Variants in VWA3A observed in about 807,000 individuals in gnomAD.
The protein encoded by VWA3A is von Willebrand factor A domain-containing protein 3A.
VWA3A carries 134 observed loss-of-function variants against 160.4 expected under a neutral mutation model. That is an observed-to-expected ratio of 0.84 (90% CI 0.73 to 0.96). The LOEUF is 0.96. Among genes scored for constraint, VWA3A ranks in the 40% least tolerant of loss-of-function variants. VWA3A has a pLI of 0.00. For missense variants in VWA3A, 1,310 were observed against 1,447.9 expected (o/e 0.90, Z 1.55); for synonymous variants, 476 against 543.4 (o/e 0.88, Z 1.72).
At chr16:22,099,037 A>T (rs2045367080) in intron 3 of VWA3A, among the ~76,000 whole-genome samples, 1 of 151,676 alleles carries the variant, frequency 6.6e-6, no homozygotes, top group Non-Finnish European at 1.5e-5. Flanking sequence ...CTGAGGCTGC[A>T]GTAAGCTGAG....
In VWA3A at chr16:22,126,282, G is replaced by A. The variant is rs55732851; in HGVS notation, c.1637G>A (p.Cys546Tyr). Residue 546 changes from cysteine to tyrosine, a missense_variant, in exon 17 of 34, where the codon TGT becomes TAT. Physicochemically the swap from Cys to Tyr is radical, Grantham distance 194. Transcript: ENST00000389398. Reference protein sequence around the residue: ...LLEEQLSNKDCFNLIAFGSTI... With the variant: ...LLEEQLSNKDYFNLIAFGSTI... ...GAGGAGCAGTTATCCAACAAGGACT[G>A]TTTCAACCTCATCGCGTATGTGTCT... The A allele has an allele frequency of 0.075, 120,735 of 1,613,202 alleles. 5,312 individuals carry two copies. The highest frequency in any genetic ancestry group is 0.18 in the African/African-American group (13,648 of 74,906).
intron 13 of VWA3A, 45 bp downstream of exon 13, chr16:22,121,148 T>G: frequency 6.2e-7 from 1 of 1,612,862 alleles, no homozygotes; most frequent in Non-Finnish European, 8.5e-7. Context: ...GGTGACTGAC[T>G]AAAAGGCTTG....
At chr16:22,142,625 A>C (rs1199932441) in intron 24 of VWA3A, 43 bp from the exon 25 acceptor site, 3 of 1,477,498 alleles carry the variant, frequency 2.0e-6, no homozygotes, top group Non-Finnish European at 2.8e-6. Context: ...GCAGGGGCTC[A>C]ACCATCCAAA....
chr16:22,092,699 G>T, intron 1 of VWA3A, 48 bp downstream of exon 1: 1 of 1,548,424 alleles, frequency 6.5e-7, no homozygotes, highest in East Asian at 2.5e-5. Context: ...AGAGGGTGTC[G>T]GGGAGGCCAG....
chr16:22,131,681 A>G lies in VWA3A; in HGVS notation c.1824A>G (p.Gln608=). ...ACTTCAAGGACAAAGACAAACACCA[A>G]TCGCAGGGAATCTACCTCTTCACTG... ...EVDFKDKDKH[Q]SQGIYLFTGG... Residue 608 remains glutamine, a synonymous_variant, in exon 19 of 34, where the codon CAA becomes CAG. Coordinates refer to ENST00000389398, the MANE Select transcript of VWA3A (RefSeq NM_173615.5). 3 of 1,613,952 alleles carry G rather than the reference A, an allele frequency of 1.9e-6. No homozygotes were observed. Among genetic ancestry groups the G allele is most frequent in the Non-Finnish European group, 8.5e-7 (1 of 1,179,868 alleles).
intron 21 of VWA3A, among the ~76,000 whole-genome samples, chr16:22,136,703 G>T (rs58416124): frequency 0.13 from 19,603 of 151,854 alleles, 2,680 homozygotes; most frequent in African/African-American, 0.34. Context: ...TGCCTGTGCT[G>T]TCTTCCCCAA....
chr16:22,155,691 C>G, intron 32 of VWA3A, 27 bp downstream of exon 32: 1 of 1,610,384 alleles, frequency 6.2e-7, no homozygotes, highest in Non-Finnish European at 8.5e-7. Flanking sequence ...GCCTCTCCGG[C>G]CTGCCATGTG....
chr16:22,107,804 G>A (rs542139889), intron 6 of VWA3A, among the ~76,000 whole-genome samples: 2 of 152,238 alleles, frequency 1.3e-5, no homozygotes, highest in South Asian at 4.1e-4. Context: ...GGGGGATGGT[G>A]ATGCTGTCAG....
intron 20 of VWA3A, among the ~76,000 whole-genome samples, chr16:22,133,612 T>G (rs1428972557): frequency 7.6e-6 from 1 of 131,666 alleles, no homozygotes; most frequent in Non-Finnish European, 1.5e-5. Context: ...ATCACACCAC[T>G]ACACTCCAGC....
At chr16:22,128,751 A>G (rs2045896012) in intron 17 of VWA3A, among the ~76,000 whole-genome samples, 1 of 152,200 alleles carries the variant, frequency 6.6e-6, no homozygotes, top group African/African-American at 2.4e-5. Flanking sequence ...ATGCAGCCAT[A>G]AAAAAGAATG....
chr16:22,154,323 CTTTTTTTTTT>C lies in VWA3A; in HGVS notation c.3406-1229_3406-1220del, dbSNP rs988862954. Among the ~76,000 whole-genome samples, 83 of 73,908 alleles carry C rather than the reference CTTTTTTTTTT, an allele frequency of 1.1e-3. No homozygotes were observed. The East Asian group carries it at 0.014, about 12-fold the overall frequency. 48.5% of individuals were successfully genotyped at this position (73,908 alleles called of 152,430 possible). ...GGATGGCTTCCTCTTTTTTCTTTTTCTTTTTTTTTTTTTTTTTTTTTTTTGAGATGAAGTC... is the reference window on the plus strand; with the variant it reads ...GGATGGCTTCCTCTTTTTTCTTTTTCTTTTTTTTTTTTTTGAGATGAAGTC... On this transcript the variant is annotated intron_variant, in intron 31 of 33. Transcript: ENST00000389398.
At chr16:22,136,377 G>A (rs866211773) in intron 21 of VWA3A, among the ~76,000 whole-genome samples, 1 of 152,126 alleles carries the variant, frequency 6.6e-6, no homozygotes, top group African/African-American at 2.4e-5. Flanking sequence ...CAGGGAAGGC[G>A]GGTCTGGGAC....
chr16:22,137,680 A>G (rs2046069844), intron 21 of VWA3A, among the ~76,000 whole-genome samples: 1 of 152,184 alleles, frequency 6.6e-6, no homozygotes, highest in African/African-American at 2.4e-5. Context: ...CAGTGGGCTG[A>G]AGTATGGAGA....
At chr16:22,141,826 T>A in intron 24 of VWA3A, 134 bp downstream of exon 24, 2 of 670,836 alleles carry the variant, frequency 3.0e-6, no homozygotes, top group South Asian at 2.2e-5. Context: ...GAGCAAGCCG[T>A]ACTCAACTCA....
At chr16:22,144,454 T>C (rs1016790109) in intron 26 of VWA3A, 70 bp downstream of exon 26, 1 of 1,567,866 alleles carries the variant, frequency 6.4e-7, no homozygotes, top group Non-Finnish European at 8.6e-7. Context: ...GAGAGCAGTG[T>C]AGGGCACTGT....
rs117029713 is a variant in VWA3A, at chr16:22,137,744, T to G, written c.2140-616T>G. 6.3e-3 allele frequency among the ~76,000 whole-genome samples: 957 copies of G among 152,308 alleles called. 7 individuals are homozygous for G. Among genetic ancestry groups the G allele is most frequent in the Middle Eastern group, 0.014 (4 of 294 alleles). ...TCATGGGCAGGGGAGATGAAGAAGC[T>G]GTGTTCTCATGCTGTTCCTGTTCCT... On this transcript the variant is annotated intron_variant, in intron 21 of 33. Transcript: ENST00000389398.
At chr16:22,138,666 G>T in intron 22 of VWA3A, 154 bp downstream of exon 22, 1 of 1,032,952 alleles carries the variant, frequency 9.7e-7, no homozygotes, top group South Asian at 1.7e-5. Context: ...GGCCTCCAGG[G>T]GGAAAATCTC....
intron 4 of VWA3A, 46 bp from the exon 5 acceptor site, chr16:22,100,370 A>T: frequency 6.4e-7 from 1 of 1,551,508 alleles, no homozygotes; most frequent in Non-Finnish European, 8.7e-7. Flanking sequence ...GACACATGCA[A>T]CCCCCTGGGC....
At position 22,109,421 on chromosome 16, in the gene VWA3A, C is replaced by T. The variant is rs1027242300; in HGVS notation, c.484-61C>T. 3.7e-6 allele frequency: 5 copies of T among 1,369,012 alleles called. No individual in the cohort carries two copies. The South Asian group carries it at 5.0e-5, about 14-fold the overall frequency. The allele number at this position is 1,369,012 out of a possible 1,614,324, so 84.8% of individuals were successfully genotyped here. On this transcript the variant is annotated intron_variant, in intron 6 of 33. Transcript: ENST00000389398. ...TGCATCACTGCGTGGCACAGAGCAG[C>T]TCAGTGTAGGAGACACACAGACTTG...
Sources: allele counts gnomAD v4.1 joint callset (sites outside exome capture counted in the v4.1 genomes callset), GRCh38; gene constraint gnomAD v4.1.1; transcripts MANE v1.5; gene names NCBI Gene and HGNC (gene_info 2026-07-23, HGNC 2026-07-21).